Variants in SPATA22 observed in about 807,000 individuals in gnomAD.
SPATA22 encodes the protein spermatogenesis associated 22, also known as spermatogenesis-associated protein 22.
SPATA22 carries 29 observed loss-of-function variants against 47.8 expected under a neutral mutation model. That is an observed-to-expected ratio of 0.61 (90% confidence interval 0.45 to 0.83). The LOEUF (loss-of-function observed/expected upper bound fraction) is 0.83, where lower values mean the gene tolerates loss of function less well. SPATA22 is among the 40% of genes least tolerant of loss of function. The pLI is 0.00. For missense variants in SPATA22, 410 were observed against 421.7 expected (o/e 0.97, Z 0.24); for synonymous variants, 133 against 140.9 (o/e 0.94, Z 0.40).
chr17:3,494,632 G>T (rs2073880369), intron 1 of SPATA22, among the ~76,000 whole-genome samples: 2 of 152,184 alleles, frequency 1.3e-5, no homozygotes, highest in Non-Finnish European at 2.9e-5. Flanking sequence ...CTTATTCAGT[G>T]TAACCTGTGC....
At chr17:3,463,882 A>G (rs942889732) in intron 3 of SPATA22, among the ~76,000 whole-genome samples, 18 of 151,136 alleles carry the variant, frequency 1.2e-4, no homozygotes, top group African/African-American at 4.1e-4. Context: ...TTAATGGATC[A>G]AGACAAACAT....
At position 3,449,040 on chromosome 17, in the gene SPATA22, G is replaced by C. The variant is rs912496745; in HGVS notation, c.439C>G (p.Pro147Ala). The C allele has an allele frequency of 6.2e-7, 1 of 1,613,776 alleles. No homozygotes were observed. Among genetic ancestry groups the C allele is most frequent in the Non-Finnish European group, 8.5e-7 (1 of 1,179,914 alleles). ...LVANDGKNSC[P>A]VSSGAQQQKQ... ...TGTTGTTGAGCTCCCGAACTCACTG[G>C]ACAAGAATTTTTTCCATCATTTGCC... Residue 147 changes from proline to alanine, a missense_variant, in exon 6 of 9, where the codon CCA (proline) becomes GCA (alanine). Coordinates refer to ENST00000572969, the MANE Select transcript of SPATA22 (RefSeq NM_001170698.2).
At chr17:3,445,822 A>T (rs1174872506) in intron 7 of SPATA22, among the ~76,000 whole-genome samples, 2 of 151,972 alleles carry the variant, frequency 1.3e-5, no homozygotes, top group African/African-American at 4.8e-5. Flanking sequence ...TATATATATA[A>T]CAGGACAAAA....
chr17:3,458,544 T>C (rs2073047119), intron 5 of SPATA22, among the ~76,000 whole-genome samples: 1 of 152,154 alleles, frequency 6.6e-6, no homozygotes, highest in Non-Finnish European at 1.5e-5. Context: ...TGCAGTATTA[T>C]TCACAATAGC....
intron 1 of SPATA22, among the ~76,000 whole-genome samples, chr17:3,498,650 A>AG (rs1481754765): frequency 6.6e-6 from 1 of 152,188 alleles, no homozygotes; most frequent in Non-Finnish European, 1.5e-5. Flanking sequence ...ACCTGGCTGA[A>AG]GCAAATGTTA....
At chr17:3,481,413 A>T (rs1211303282) in intron 1 of SPATA22, among the ~76,000 whole-genome samples, 1 of 152,244 alleles carries the variant, frequency 6.6e-6, no homozygotes, top group Non-Finnish European at 1.5e-5. Flanking sequence ...AACATTAGTT[A>T]TATGGAATCA....
intron 8 of SPATA22, chr17:3,440,551 A>G: frequency 5.5e-6 from 2 of 360,952 alleles, no homozygotes; most frequent in Non-Finnish European, 1.0e-5. Flanking sequence ...TAGGGCTCTT[A>G]CAAGCTAGCA....
chr17:3,461,134 T>A (rs1481009531), intron 5 of SPATA22, among the ~76,000 whole-genome samples: 3 of 151,742 alleles, frequency 2.0e-5, no homozygotes, highest in Non-Finnish European at 4.4e-5. Context: ...GCATTTCAAG[T>A]AAGTAACAAA....
At chr17:3,443,397 A>G in intron 7 of SPATA22, 126 bp from the exon 8 acceptor site, 3 of 572,300 alleles carry the variant, frequency 5.2e-6, no homozygotes. Context: ...ATATAGCAAT[A>G]AAGAAGACAT....
At chr17:3,457,943 C>T (rs8073485) in intron 5 of SPATA22, among the ~76,000 whole-genome samples, 50,012 of 152,018 alleles carry the variant, frequency 0.33, 10,542 homozygotes, top group Non-Finnish European at 0.48. Flanking sequence ...ACACCAAAAG[C>T]ACAGTCAACA....
intron 5 of SPATA22, among the ~76,000 whole-genome samples, chr17:3,454,889 T>C (rs2072949482): frequency 6.6e-6 from 1 of 152,142 alleles, no homozygotes; most frequent in African/African-American, 2.4e-5. Context: ...ACTTCCACAA[T>C]GGTTGAACTA....
intron 2 of SPATA22, chr17:3,469,041 T>C (rs1465606393): frequency 2.8e-6 from 1 of 361,410 alleles, no homozygotes; most frequent in Admixed American, 4.7e-5. Flanking sequence ...ATAGAATAAC[T>C]CAAGCACATC....
chr17:3,475,014 T>C (rs753809647), upstream of SPATA22, among the ~76,000 whole-genome samples: 3 of 152,202 alleles, frequency 2.0e-5, no homozygotes, highest in Non-Finnish European at 4.4e-5. Context: ...AAAATTAATG[T>C]ATGAATAAAC....
At chr17:3,477,545 C>T (rs576887420) in intron 1 of SPATA22, among the ~76,000 whole-genome samples, 9 of 152,150 alleles carry the variant, frequency 5.9e-5, no homozygotes, top group East Asian at 3.9e-4. Context: ...CCTCCACCTC[C>T]GGGTTAAAGT....
rs1038052104 is a variant in SPATA22 at position 3,493,333 on chromosome 17, C to G, written c.-74+20079G>C. Among the ~76,000 whole-genome samples, 3 of 152,028 alleles carry G rather than the reference C, an allele frequency of 2.0e-5. No homozygotes were observed. In the East Asian group the frequency reaches 5.8e-4, roughly 29 times the overall value. ...ATCCCAGCACTTGGGGAGGCTGAGG[C>G]GGGCGGATCACAAGGTCAAGAAATC... On this transcript the variant is annotated intron_variant, in intron 1 of 8. Transcript: ENST00000541913.
intron 5 of SPATA22, among the ~76,000 whole-genome samples, chr17:3,454,302 T>A (rs189885262): frequency 1.6e-4 from 24 of 151,288 alleles, no homozygotes; most frequent in Admixed American, 1.3e-3. Flanking sequence ...TTATTTATTT[T>A]TATTATTATT....
In SPATA22 at chr17:3,488,825, C is replaced by T. The variant is rs1413259313; in HGVS notation, c.-73-19427G>A. Reference sequence around the variant, plus strand: ...ATCTATAAAAATAGATGTCCTTCCTCCCGTCACAGCTAAATGTTAGATCTT... The same window carrying T: ...ATCTATAAAAATAGATGTCCTTCCTTCCGTCACAGCTAAATGTTAGATCTT... On this transcript the variant is annotated intron_variant, in intron 1 of 8. Transcript: ENST00000541913. This position sits in a 1 kb window ranked among gnomAD's most constrained non-coding sequence, Gnocchi z 6.1. Among the ~76,000 whole-genome samples, 1 of 152,182 alleles carries T rather than the reference C, an allele frequency of 6.6e-6. No homozygotes were observed. The highest frequency in any genetic ancestry group is 1.5e-5 in the Non-Finnish European group (1 of 68,036).
chr17:3,473,673 T>C (rs1024675704), upstream of SPATA22, among the ~76,000 whole-genome samples: 17 of 152,158 alleles, frequency 1.1e-4, no homozygotes, highest in African/African-American at 3.9e-4. Context: ...TAATTTTGTA[T>C]TTTTAGTAGA....
At chr17:3,449,449 T>C (rs978013771) in intron 5 of SPATA22, among the ~76,000 whole-genome samples, 1 of 152,200 alleles carries the variant, frequency 6.6e-6, no homozygotes, top group Admixed American at 6.5e-5. Flanking sequence ...TACTACAAAG[T>C]ATATTTTTAA....
Sources: allele counts gnomAD v4.1 joint callset (sites outside exome capture counted in the v4.1 genomes callset), GRCh38; gene constraint gnomAD v4.1.1; non-coding constraint Gnocchi (gnomAD v3.1); transcripts MANE v1.5; gene names NCBI Gene and HGNC (gene_info 2026-07-23, HGNC 2026-07-21).